ASIC2: variants seen among roughly 807,000 people sequenced by gnomAD.
ASIC2 encodes acid sensing ion channel subunit 2.
A neutral mutation model predicts 57.3 loss-of-function variants in ASIC2; 25 were observed. The observed-to-expected ratio is 0.44, with a 90% CI of 0.32 to 0.61. The LOEUF (loss-of-function observed/expected upper bound fraction) is 0.61, where lower values mean the gene tolerates loss of function less well. ASIC2 is among the 20% of genes least tolerant of loss of function. The pLI, the probability that ASIC2 is intolerant of heterozygous loss-of-function variation, is 0.06. For missense variants in ASIC2, 641 were observed against 738.1 expected (o/e 0.87, Z 1.52); for synonymous variants, 319 against 307.5 (o/e 1.04, Z -0.39).
At chr17:33,711,486 G>T (rs1255295583) in intron 1 of ASIC2, among the ~76,000 whole-genome samples, 1 of 152,028 alleles carries the variant, frequency 6.6e-6, no homozygotes, top group African/African-American at 2.4e-5. Context: ...GTTTTCCCTG[G>T]GTCTGGTCAG....
intron 1 of ASIC2, among the ~76,000 whole-genome samples, chr17:33,286,777 A>G (rs565536236): frequency 1.3e-5 from 2 of 152,296 alleles, no homozygotes; most frequent in Admixed American, 1.3e-4. Flanking sequence ...CGCTCCTGGT[A>G]TCTATTCACA....
At chr17:33,783,965 C>T (rs1345835308) in intron 1 of ASIC2, among the ~76,000 whole-genome samples, 1 of 152,194 alleles carries the variant, frequency 6.6e-6, no homozygotes, top group African/African-American at 2.4e-5. Context: ...AGGAACTTGG[C>T]AGCGACTCTT....
chr17:33,112,254 G>T, intron 1 of ASIC2, 187 bp from the exon 2 acceptor site: 2 of 769,372 alleles, frequency 2.6e-6, no homozygotes, highest in Non-Finnish European at 3.9e-6. Context: ...GTGAAATTTT[G>T]GCATCAAAGA....
At chr17:33,519,777 G>A (rs377409331) in intron 1 of ASIC2, among the ~76,000 whole-genome samples, 26 of 152,228 alleles carry the variant, frequency 1.7e-4, no homozygotes, top group Non-Finnish European at 2.4e-4. Flanking sequence ...CTGCTAGACC[G>A]TCTGTCAAAC....
intron 1 of ASIC2, among the ~76,000 whole-genome samples, chr17:34,009,242 G>A (rs1437580857): frequency 6.6e-6 from 1 of 152,142 alleles, no homozygotes; most frequent in Non-Finnish European, 1.5e-5. Flanking sequence ...GAGATCCAGA[G>A]CCCTCAGCTC....
At position 33,020,275 on chromosome 17, in the gene ASIC2, C is replaced by T. The variant is rs118190944; in HGVS notation, c.1441+944G>A. ...GGGTTATCATGTTTAACCATCACAA[C>T]AAGCTCATAAAGTGGGTTTTATTAA... On this transcript the variant is annotated intron_variant, in intron 7 of 9. Coordinates refer to ENST00000225823, the MANE Select transcript of ASIC2 (RefSeq NM_183377.2). Among the ~76,000 whole-genome samples, 152 of 152,260 alleles carry T rather than the reference C, an allele frequency of 1.0e-3. 4 individuals carry two copies. In the East Asian group the frequency reaches 0.028, roughly 28 times the overall value.
At chr17:34,043,504 CA>C (rs1473542290) in intron 1 of ASIC2, among the ~76,000 whole-genome samples, 1 of 152,106 alleles carries the variant, frequency 6.6e-6, no homozygotes, top group Non-Finnish European at 1.5e-5. Flanking sequence ...TCCTACAATG[CA>C]AAATGATTTC....
At chr17:33,734,000 C>A (rs1375048054) in intron 1 of ASIC2, among the ~76,000 whole-genome samples, 1 of 152,150 alleles carries the variant, frequency 6.6e-6, no homozygotes, top group African/African-American at 2.4e-5. Flanking sequence ...ACACCCTTTC[C>A]CCTCCCCCTA....
In ASIC2 at chr17:33,871,666, C is replaced by A. The variant is rs558861872; in HGVS notation, c.555+284312G>T. On this transcript the variant is annotated intron_variant, in intron 1 of 9. Coordinates refer to the ASIC2 transcript ENST00000359872. ...GGCAGCCTCCTTAGTAAGGTGGGGA[C>A]CTTTGTGTCCTCAGAGTCCTCAGAA... Among the ~76,000 whole-genome samples, 3 of 152,130 alleles carry A rather than the reference C, an allele frequency of 2.0e-5. No homozygotes were observed. In the East Asian group the frequency reaches 5.8e-4, roughly 30 times the overall value.
At chr17:33,154,648 T>G (rs1469361937) in intron 1 of ASIC2, among the ~76,000 whole-genome samples, 5 of 152,124 alleles carry the variant, frequency 3.3e-5, no homozygotes, top group Admixed American at 3.3e-4. Context: ...GCCTCTTTGG[T>G]TTTAAGACAC....
intron 1 of ASIC2, among the ~76,000 whole-genome samples, chr17:33,378,585 A>G (rs1461415948): frequency 2.0e-5 from 3 of 152,186 alleles, no homozygotes; most frequent in Non-Finnish European, 4.4e-5. Context: ...TTGCCTCAAG[A>G]AGTAAGGTGG....
At chr17:33,309,591 C>T (rs547935727) in intron 1 of ASIC2, among the ~76,000 whole-genome samples, 1 of 152,142 alleles carries the variant, frequency 6.6e-6, no homozygotes, top group Admixed American at 6.5e-5. Flanking sequence ...TCACCTCCAC[C>T]TCCACTGTCC....
chr17:33,885,718 C>G (rs1050482966), intron 1 of ASIC2, among the ~76,000 whole-genome samples: 2 of 152,192 alleles, frequency 1.3e-5, no homozygotes, highest in African/African-American at 2.4e-5. Flanking sequence ...TAAAAGTCAG[C>G]TCACTTTTCA....
Position 33,894,111 on chromosome 17 carries a change from G to A in ASIC2, c.555+261867C>T, listed in dbSNP as rs560606545. 1.6e-3 allele frequency among the ~76,000 whole-genome samples: 242 copies of A among 152,348 alleles called. 3 individuals are homozygous for A. Among genetic ancestry groups the A allele is most frequent in the African/African-American group, 5.6e-3 (232 of 41,586 alleles). On this transcript the variant is annotated intron_variant, in intron 1 of 9. Coordinates refer to the ASIC2 transcript ENST00000359872. ...GCTACTTTTATTTTTGCTGGGGAAT[G>A]GAAAATATTTTGTCACTTCTAGGAT...
intron 1 of ASIC2, among the ~76,000 whole-genome samples, chr17:33,119,372 C>A (rs2092292894): frequency 2.0e-5 from 3 of 152,188 alleles, no homozygotes; most frequent in Admixed American, 1.3e-4. Context: ...AAATAATATG[C>A]TTGTTAAAGC....
chr17:33,192,690 C>T (rs1178420939), intron 1 of ASIC2, among the ~76,000 whole-genome samples: 1 of 152,112 alleles, frequency 6.6e-6, no homozygotes, highest in South Asian at 2.1e-4. Context: ...CCATCCAGCC[C>T]CATGACATGG....
At chr17:33,550,083 G>A (rs1915700308) in intron 1 of ASIC2, among the ~76,000 whole-genome samples, 1 of 152,082 alleles carries the variant, frequency 6.6e-6, no homozygotes, top group Non-Finnish European at 1.5e-5. Flanking sequence ...AGAGTTGTAG[G>A]TGAGAGCTGA....
At chr17:33,396,453 A>G (rs1910081325) in intron 1 of ASIC2, among the ~76,000 whole-genome samples, 1 of 152,194 alleles carries the variant, frequency 6.6e-6, no homozygotes, top group African/African-American at 2.4e-5. Flanking sequence ...TATTATGATT[A>G]TTTCCTTTAT....
intron 1 of ASIC2, among the ~76,000 whole-genome samples, chr17:33,866,626 T>C (rs902395338): frequency 6.6e-6 from 1 of 152,208 alleles, no homozygotes. Flanking sequence ...TTCTTTCATC[T>C]GTGTTTGACT....
Sources: gnomAD v4.1 joint callset for allele counts (sites outside exome capture counted in the v4.1 genomes callset) on GRCh38, gnomAD v4.1.1 for gene constraint, MANE v1.5 for transcripts, NCBI Gene and HGNC (gene_info 2026-07-23, HGNC 2026-07-21) for gene names.